Variants in BCL2L11 observed in about 807,000 individuals in gnomAD.
BCL2L11 encodes the protein bcl-2-like protein 11.
Under a neutral mutation model 20.6 loss-of-function variants are expected in BCL2L11, and 15 were observed. The ratio of observed to expected loss-of-function variants is 0.73; its 90% CI spans 0.49 to 1.12. BCL2L11 has a LOEUF of 1.12. BCL2L11 is among the 50% of genes most tolerant of loss of function. BCL2L11 has a pLI of 0.00. For missense variants in BCL2L11, 292 were observed against 260.9 expected (o/e 1.12, Z -0.82); for synonymous variants, 108 against 92.8 (o/e 1.16, Z -0.94).
intron 3 of BCL2L11, chr2:111,161,600 G>A: frequency 6.7e-7 from 1 of 1,497,154 alleles, no homozygotes; most frequent in Non-Finnish European, 8.9e-7. Flanking sequence ...CACTCACACT[G>A]CAAATGACAG....
intron 3 of BCL2L11, among the ~76,000 whole-genome samples, chr2:111,151,391 A>G (rs561154378): frequency 6.6e-6 from 1 of 152,348 alleles, no homozygotes; most frequent in South Asian, 2.1e-4. Flanking sequence ...GAAGACACTA[A>G]TTCTTATTTT....
At chr2:111,147,898 A>T (rs2076772310) in intron 2 of BCL2L11, among the ~76,000 whole-genome samples, 1 of 152,230 alleles carries the variant, frequency 6.6e-6, no homozygotes, top group Admixed American at 6.5e-5. Context: ...ACAAGAAGGT[A>T]AGCCCCGTGG....
chr2:111,130,107 CTCT>C, intron 2 of BCL2L11: 2 of 393,488 alleles, frequency 5.1e-6, no homozygotes, highest in Admixed American at 3.0e-5. Context: ...ACTTTTACTT[CTCT>C]TTTTTTTTTT....
rs186695504 is a variant in BCL2L11, at chr2:111,167,118, G to A, written c.*2887G>A. ...TATATTTATTTTCTGCTTATTTAATGTCTTAATTTCTGAAAAGTATTAACA... is the reference window on the plus strand; with the variant it reads ...TATATTTATTTTCTGCTTATTTAATATCTTAATTTCTGAAAAGTATTAACA... On this transcript the variant is annotated 3_prime_UTR_variant, in exon 4 of 4. Coordinates refer to ENST00000393256, the MANE Select transcript of BCL2L11 (RefSeq NM_138621.5). 2.0e-5 allele frequency: 3 copies of A among 152,568 alleles called. No individual in the cohort carries two copies. The highest frequency in any genetic ancestry group is 1.9e-4 in the East Asian group (1 of 5,196). 9.5% of individuals were successfully genotyped at this position (152,568 alleles called of 1,614,324 possible). A position where few individuals can be genotyped will look rare whatever the true frequency, so the allele number is the denominator to read the frequency against.
chr2:111,148,610 T>C (rs894520704), intron 2 of BCL2L11, among the ~76,000 whole-genome samples: 1 of 152,230 alleles, frequency 6.6e-6, no homozygotes, highest in East Asian at 1.9e-4. Flanking sequence ...TCCTGAAAGT[T>C]TCCCCTTCAT....
chr2:111,122,109 C>T (rs963281925), intron 1 of BCL2L11, among the ~76,000 whole-genome samples: 1 of 152,230 alleles, frequency 6.6e-6, no homozygotes, highest in Non-Finnish European at 1.5e-5. Context: ...AGGGGTGGCT[C>T]TTCGGCTTTG....
intron 1 of BCL2L11, 44 bp downstream of exon 1, chr2:111,121,232 A>T (rs2070825361): frequency 4.8e-6 from 1 of 210,036 alleles, no homozygotes; most frequent in Non-Finnish European, 9.6e-6. Context: ...GCACCGAAGG[A>T]AGACTAGCGC....
chr2:111,156,144 T>G (rs1483448484), intron 3 of BCL2L11, among the ~76,000 whole-genome samples: 1 of 120,170 alleles, frequency 8.3e-6, no homozygotes, highest in African/African-American at 4.1e-5. Context: ...TTGCACAAAC[T>G]GAACACAAAC....
At chr2:111,157,516 CA>C (rs1449239997) in intron 3 of BCL2L11, among the ~76,000 whole-genome samples, 1 of 152,122 alleles carries the variant, frequency 6.6e-6, no homozygotes, top group Non-Finnish European at 1.5e-5. Flanking sequence ...GATGTCAGAA[CA>C]ATCTGTCTCT....
intron 3 of BCL2L11, 44 bp from the exon 4 acceptor site, chr2:111,164,089 C>A: frequency 8.6e-7 from 1 of 1,156,714 alleles, no homozygotes; most frequent in South Asian, 1.2e-5. Flanking sequence ...CTCCCCACCC[C>A]CAAATTAGGG....
intron 2 of BCL2L11, among the ~76,000 whole-genome samples, chr2:111,144,282 C>T (rs1030748979): frequency 6.6e-6 from 1 of 152,164 alleles, no homozygotes; most frequent in Non-Finnish European, 1.5e-5. Flanking sequence ...CTTTTGTTTT[C>T]ATCCAGTGGC....
intron 3 of BCL2L11, among the ~76,000 whole-genome samples, chr2:111,151,122 T>C (rs2077202892): frequency 6.6e-6 from 1 of 152,172 alleles, no homozygotes; most frequent in African/African-American, 2.4e-5. Context: ...CAGGATGATC[T>C]CGATTTCCTG....
intron 3 of BCL2L11, among the ~76,000 whole-genome samples, chr2:111,150,651 T>C (rs2077136450): frequency 6.6e-6 from 1 of 152,246 alleles, no homozygotes; most frequent in Non-Finnish European, 1.5e-5. Context: ...TTGCTGTCTT[T>C]GGACATTTAA....
chr2:111,149,025 T>C (rs1231422760), intron 2 of BCL2L11, among the ~76,000 whole-genome samples: 1 of 152,228 alleles, frequency 6.6e-6, no homozygotes, highest in East Asian at 1.9e-4. Context: ...GTGTGTTTAA[T>C]TGTGAGTACG....
intron 2 of BCL2L11, chr2:111,129,989 C>A (rs966409945): frequency 3.5e-6 from 1 of 287,304 alleles, no homozygotes; most frequent in Admixed American, 5.0e-5. Context: ...AGATGATGCA[C>A]CACAGTTTGC....
At chr2:111,136,609 A>C (rs991743714) in intron 2 of BCL2L11, among the ~76,000 whole-genome samples, 1 of 152,230 alleles carries the variant, frequency 6.6e-6, no homozygotes, top group Non-Finnish European at 1.5e-5. Context: ...TGATAAGTAC[A>C]AGACAAAAGC....
chr2:111,159,578 C>G lies in BCL2L11; in HGVS notation c.499-4555C>G, dbSNP rs141725794. Among the ~76,000 whole-genome samples the G allele has an allele frequency of 1.3e-3, 199 of 152,312 alleles. 1 individual carries two copies. Among genetic ancestry groups the G allele is most frequent in the African/African-American group, 4.4e-3 (181 of 41,556 alleles). On this transcript the variant is annotated intron_variant, in intron 3 of 3. Coordinates refer to ENST00000393256, the MANE Select transcript of BCL2L11 (RefSeq NM_138621.5). ...GTTCAACCTGACCAGTTCCCTGGGG[C>G]CAGGGCCTCTATTGTTTTCCAAGCA... is the stretch of plus-strand genomic sequence containing the variant.
chr2:111,159,692 G>A (rs553104087), intron 3 of BCL2L11, among the ~76,000 whole-genome samples: 14 of 152,302 alleles, frequency 9.2e-5, no homozygotes, highest in Admixed American at 5.9e-4. Flanking sequence ...TTAATTGGTC[G>A]TCCCAAGTGT....
intron 2 of BCL2L11, among the ~76,000 whole-genome samples, chr2:111,125,370 G>C (rs545017146): frequency 2.6e-5 from 4 of 152,186 alleles, no homozygotes; most frequent in Non-Finnish European, 2.9e-5. Flanking sequence ...CAATGGAAAA[G>C]GTTCATGTCT....
Sources: allele counts gnomAD v4.1 joint callset (sites outside exome capture counted in the v4.1 genomes callset), GRCh38; gene constraint gnomAD v4.1.1; transcripts MANE v1.5; gene names NCBI Gene and HGNC (gene_info 2026-07-23, HGNC 2026-07-21).